Variants in WWOX observed in about 807,000 individuals in gnomAD.
WWOX encodes WW domain-containing oxidoreductase.
WWOX carries 69 observed loss-of-function variants against 46.2 expected under a neutral mutation model. The ratio of observed to expected loss-of-function variants is 1.49; its 90% CI spans 1.23 to 1.82. The LOEUF (loss-of-function observed/expected upper bound fraction) is 1.82. WWOX is among the 40% of genes most tolerant of loss of function. The probability of loss-of-function intolerance (pLI) is 0.00; values close to 1 mark genes in which losing one functional copy is unlikely to be tolerated. For synonymous variants in WWOX, 359 were observed against 202.6 expected, an observed-to-expected ratio of 1.77 and a Z score of -6.56; for missense variants, 919 against 542.6, an observed-to-expected ratio of 1.69 and a Z score of -6.89.
Position 78,955,885 on chromosome 16 carries a change from C to A in WWOX, c.1057-255723C>A, listed in dbSNP as rs140852854. ...TCTCTAATTCCTGGCCTCAAGCGAT[C>A]TCCCATCCCCCCTCAGCCTCCCAAA... On this transcript the variant is annotated intron_variant, in intron 8 of 8. Coordinates refer to ENST00000566780, the MANE Select transcript of WWOX (RefSeq NM_016373.4). Among the ~76,000 whole-genome samples the A allele has an allele frequency of 6.2e-3, 949 of 152,022 alleles. 8 individuals are homozygous for A. Among genetic ancestry groups the A allele is most frequent in the African/African-American group, 0.022 (917 of 41,490 alleles).
intron 8 of WWOX, among the ~76,000 whole-genome samples, chr16:78,794,424 T>G (rs530102401): frequency 6.6e-6 from 1 of 152,336 alleles, no homozygotes; most frequent in East Asian, 1.9e-4. Flanking sequence ...GCTACCCAGC[T>G]TAGATTATTT....
chr16:78,649,967 A>G (rs536078250), intron 8 of WWOX, among the ~76,000 whole-genome samples: 1 of 152,274 alleles, frequency 6.6e-6, no homozygotes, highest in African/African-American at 2.4e-5. Flanking sequence ...CTTATCTGTA[A>G]TTCTATGGAG....
intron 4 of WWOX, among the ~76,000 whole-genome samples, chr16:78,141,722 A>G (rs970451188): frequency 1.3e-5 from 2 of 152,132 alleles, no homozygotes; most frequent in Non-Finnish European, 2.9e-5. Flanking sequence ...AAAAATATGC[A>G]TAGAAATATT....
chr16:78,725,982 C>G (rs760890279), intron 8 of WWOX, among the ~76,000 whole-genome samples: 1 of 149,334 alleles, frequency 6.7e-6, no homozygotes, highest in African/African-American at 2.5e-5. Context: ...TCCTCCTTCT[C>G]CTTCTCCTCC....
At chr16:78,567,456 G>C (rs2044598355) in intron 8 of WWOX, among the ~76,000 whole-genome samples, 1 of 145,376 alleles carries the variant, frequency 6.9e-6, no homozygotes, top group South Asian at 2.2e-4. Flanking sequence ...CGGAGGCTGA[G>C]ACAGGAGAAT....
intron 8 of WWOX, among the ~76,000 whole-genome samples, chr16:79,040,590 T>G (rs2047952264): frequency 6.6e-6 from 1 of 152,142 alleles, no homozygotes. Context: ...TTGATAATTT[T>G]TGTCATTTCT....
At chr16:78,525,820 A>G (rs76230828) in intron 8 of WWOX, 250 of 145,982 alleles carry the variant, frequency 1.7e-3, no homozygotes, top group African/African-American at 6.1e-3. Flanking sequence ...ACTCACTAGA[A>G]GTTTCAGAAA....
At chr16:78,585,562 A>G (rs985465386) in intron 8 of WWOX, among the ~76,000 whole-genome samples, 1 of 151,440 alleles carries the variant, frequency 6.6e-6, no homozygotes, top group South Asian at 2.1e-4. Flanking sequence ...CCTCGCTTCC[A>G]CCTTATAGTG....
chr16:78,916,187 A>C (rs1282257790), intron 8 of WWOX, among the ~76,000 whole-genome samples: 2 of 152,218 alleles, frequency 1.3e-5, no homozygotes, highest in African/African-American at 2.4e-5. Flanking sequence ...TGCACAAGGA[A>C]GACCTTATGC....
intron 8 of WWOX, among the ~76,000 whole-genome samples, chr16:78,563,643 A>G (rs573230568): frequency 1.3e-5 from 2 of 151,644 alleles, no homozygotes; most frequent in African/African-American, 2.4e-5. Context: ...TGAATAAACT[A>G]TATTAAATTA....
intron 8 of WWOX, among the ~76,000 whole-genome samples, chr16:78,736,294 A>G (rs994546740): frequency 6.6e-6 from 1 of 152,146 alleles, no homozygotes; most frequent in East Asian, 1.9e-4. Context: ...GGCTATCCTC[A>G]TGGGGACCTG....
At chr16:78,994,969 CTTTTTTTT>C (rs869088414) in intron 8 of WWOX, among the ~76,000 whole-genome samples, 267 of 114,630 alleles carry the variant, frequency 2.3e-3, no homozygotes, top group African/African-American at 6.0e-3. Flanking sequence ...TCTTCTTCTT[CTTTTTTTT>C]TTTTTTTTTT....
chr16:78,617,855 G>C lies in WWOX; in HGVS notation c.1056+185103G>C, dbSNP rs143281030. Among the ~76,000 whole-genome samples the C allele has an allele frequency of 4.9e-3, 749 of 152,256 alleles. 4 individuals are homozygous for C. The highest frequency in any genetic ancestry group is 8.1e-3 in the Non-Finnish European group (549 of 68,006). On this transcript the variant is annotated intron_variant, in intron 8 of 8. Coordinates refer to ENST00000566780, the MANE Select transcript of WWOX (RefSeq NM_016373.4). The stretch of plus-strand genomic sequence containing the variant: ...GAATGAAGGTGTCTTGCTATATTTT[G>C]ACATTTCTGTCAAAATATGAATCTA...
chr16:78,262,562 G>T (rs531829471), intron 5 of WWOX, among the ~76,000 whole-genome samples: 1 of 152,310 alleles, frequency 6.6e-6, no homozygotes, highest in African/African-American at 2.4e-5. Context: ...AGAGATGACA[G>T]GCCCCTGTCC....
intron 5 of WWOX, among the ~76,000 whole-genome samples, chr16:78,248,698 T>C (rs1247540401): frequency 6.6e-6 from 1 of 152,000 alleles, no homozygotes; most frequent in Admixed American, 6.6e-5. Flanking sequence ...ATCGCACCAC[T>C]GTACTCCAGC....
At chr16:78,311,285 C>G (rs963336914) in intron 5 of WWOX, among the ~76,000 whole-genome samples, 3 of 152,116 alleles carry the variant, frequency 2.0e-5, no homozygotes. Context: ...AATCCAAGGC[C>G]TGATGTATAT....
chr16:78,671,443 C>T (rs1374515917), intron 8 of WWOX, among the ~76,000 whole-genome samples: 1 of 152,156 alleles, frequency 6.6e-6, no homozygotes, highest in Non-Finnish European at 1.5e-5. Flanking sequence ...AAAAATAAAA[C>T]ATAAATAAAT....
chr16:78,764,198 T>A (rs765357063), intron 8 of WWOX, among the ~76,000 whole-genome samples: 30 of 152,090 alleles, frequency 2.0e-4, no homozygotes, highest in Admixed American at 7.2e-4. Flanking sequence ...TTCTCAGTCT[T>A]CCGGCTCTAC....
At position 78,562,188 on chromosome 16, in the gene WWOX, G is replaced by A. The variant is rs568599303; in HGVS notation, c.1056+129436G>A. On this transcript the variant is annotated intron_variant, in intron 8 of 8. Transcript: ENST00000566780. ...AATCTCTAGCTTCTCAAACTGTTTC[G>A]TGGTGGAGTGCCTTTTGGGCACAGG... is the stretch of plus-strand genomic sequence containing the variant. Among the ~76,000 whole-genome samples, 233 of 152,244 alleles carry A rather than the reference G, an allele frequency of 1.5e-3. 3 individuals carry two copies. Among genetic ancestry groups the A allele is most frequent in the African/African-American group, 5.3e-3 (222 of 41,556 alleles).
Sources: allele counts gnomAD v4.1 joint callset (sites outside exome capture counted in the v4.1 genomes callset), GRCh38; gene constraint gnomAD v4.1.1; transcripts MANE v1.5; gene names NCBI Gene and HGNC (gene_info 2026-07-23, HGNC 2026-07-21).